The following ANKRD24 variants were observed in gnomAD, a reference collection of about 807,000 sequenced individuals.
The protein encoded by ANKRD24 is ankyrin repeat domain-containing protein 24.
A neutral mutation model predicts 127.8 loss-of-function variants in ANKRD24; 109 were observed. The ratio of observed to expected loss-of-function variants is 0.85; its 90% CI spans 0.73 to 1.00. The LOEUF is 1.00. ANKRD24 is among the 50% of genes least tolerant of loss of function. ANKRD24 has a pLI of 0.00. For synonymous variants in ANKRD24, 743 were observed against 671.1 expected (o/e 1.11, Z -1.66); for missense variants, 1,648 against 1,570.2 (o/e 1.05, Z -0.84).
chr19:4,183,910 AAAATAAATAAAT>A (rs143396713), intron 1 of ANKRD24, among the ~76,000 whole-genome samples: 1 of 151,978 alleles, frequency 6.6e-6, no homozygotes, highest in East Asian at 1.9e-4. Flanking sequence ...CTCCGTCTCA[AAAATAAATAAAT>A]AAATAAATAA....
chr19:4,218,597 G>T (rs1157170049), intron 18 of ANKRD24, among the ~76,000 whole-genome samples: 1 of 151,934 alleles, frequency 6.6e-6, no homozygotes. Flanking sequence ...TCCGCACCTG[G>T]CCTTGAACAG....
At position 4,216,876 on chromosome 19, in the gene ANKRD24, G is replaced by A. The variant is rs763186877; in HGVS notation, c.1716G>A (p.Met572Ile). 6.2e-7 allele frequency: 1 copy of A among 1,611,618 alleles called. No homozygotes were observed. Among genetic ancestry groups the A allele is most frequent in the Non-Finnish European group, 8.5e-7 (1 of 1,178,990 alleles). Residue 572 changes from methionine (M) to isoleucine (I), a missense_variant, in exon 18 of 22, where the codon ATG becomes ATA. Coordinates refer to ENST00000318934, the MANE Select transcript of ANKRD24 (RefSeq NM_001393985.1). The part of the protein sequence containing the change: ...IDEEAAGDET[M>I]EARTMEAEAT... ...AGGAGGCTGCAGGAGATGAAACCAT[G>A]GAAGCCAGGACTATGGAAGCTGAGG...
At chr19:4,204,415 G>A (rs962545628) in intron 7 of ANKRD24, among the ~76,000 whole-genome samples, 1 of 152,226 alleles carries the variant, frequency 6.6e-6, no homozygotes. Flanking sequence ...GTAAATCGTA[G>A]GGAATCCAGG....
intron 7 of ANKRD24, among the ~76,000 whole-genome samples, chr19:4,204,412 G>A (rs1331591693): frequency 2.0e-5 from 3 of 152,082 alleles, no homozygotes; most frequent in Non-Finnish European, 4.4e-5. Context: ...CAGGTAAATC[G>A]TAGGGAATCC....
rs768476828 is a variant in ANKRD24, at chr19:4,212,657, C to A, written c.1156C>A (p.Arg386=). ...ACAAGAGGAGAAGGAGAGCCTGGGA[C>A]GGGAGGTGGAGAGTTTGCAGAGCCG... The part of the protein sequence containing the change: ...ERQEEKESLG[R]EVESLQSRLS... The change falls in exon 15 of 22, where the codon CGG becomes AGG. Residue 386 remains arginine, a synonymous_variant. Coordinates refer to ENST00000318934, the MANE Select transcript of ANKRD24 (RefSeq NM_001393985.1). 6.5e-6 allele frequency: 10 copies of A among 1,547,674 alleles called. No homozygotes were observed. The South Asian group carries it at 1.2e-4, about 18-fold the overall frequency.
intron 19 of ANKRD24, among the ~76,000 whole-genome samples, chr19:4,220,875 T>C (rs1010405417): frequency 7.3e-5 from 11 of 150,516 alleles, no homozygotes; most frequent in Admixed American, 2.0e-4. Context: ...CCATTTTTAA[T>C]CTTCCTGCAA....
chr19:4,224,666 T>C lies in ANKRD24; in HGVS notation c.*161T>C. 2 of 683,852 alleles carry C rather than the reference T, an allele frequency of 2.9e-6. No individual in the cohort carries two copies. 42.4% of individuals were successfully genotyped at this position (683,852 alleles called of 1,614,324 possible). ...CCCTGCCCGACCACCCCCAGCTGGC[T>C]CCATCACCCCACCTGGTCTCTGCAC... On this transcript the variant is annotated 3_prime_UTR_variant, in exon 22 of 22. Coordinates refer to ENST00000318934, the MANE Select transcript of ANKRD24 (RefSeq NM_001393985.1).
intron 2 of ANKRD24, among the ~76,000 whole-genome samples, chr19:4,189,554 A>G (rs1205848243): frequency 1.5e-5 from 2 of 135,238 alleles, no homozygotes; most frequent in African/African-American, 2.6e-5. Flanking sequence ...GCCCGGCCCT[A>G]AGTTTTTTTT....
intron 7 of ANKRD24, among the ~76,000 whole-genome samples, chr19:4,204,096 G>A (rs556085415): frequency 1.8e-3 from 265 of 151,196 alleles, no homozygotes; most frequent in Non-Finnish European, 3.0e-3. Flanking sequence ...CCCGAGTAGC[G>A]GGGACTACAG....
chr19:4,205,629 CTTGAGCCCAGGAGT>C (rs2145315015), intron 7 of ANKRD24, among the ~76,000 whole-genome samples: 1 of 152,270 alleles, frequency 6.6e-6, no homozygotes, highest in Non-Finnish European at 1.5e-5. Flanking sequence ...GGGAGGATTG[CTTGAGCCCAGGAGT>C]TTGAGACCAG....
At chr19:4,197,188 G>C (rs1336386998) in intron 2 of ANKRD24, among the ~76,000 whole-genome samples, 1 of 152,190 alleles carries the variant, frequency 6.6e-6, no homozygotes, top group Admixed American at 6.6e-5. Context: ...CATATAGGTA[G>C]GAAAGGCTGG....
At chr19:4,194,492 G>A (rs1968585493) in intron 2 of ANKRD24, among the ~76,000 whole-genome samples, 1 of 152,074 alleles carries the variant, frequency 6.6e-6, no homozygotes, top group Non-Finnish European at 1.5e-5. Flanking sequence ...GTGTCAGGAA[G>A]GATGATTCTT....
intron 13 of ANKRD24, among the ~76,000 whole-genome samples, chr19:4,210,926 C>T (rs903954135): frequency 3.3e-5 from 5 of 152,000 alleles, no homozygotes; most frequent in Non-Finnish European, 5.9e-5. Flanking sequence ...CTCCGCCTCC[C>T]GGGTTCAAGC....
In ANKRD24 at chr19:4,199,545, G is replaced by A; in HGVS notation, c.37-138G>A. The A allele has an allele frequency of 1.4e-6, 2 of 1,423,722 alleles. No homozygotes were observed. Among genetic ancestry groups the A allele is most frequent in the South Asian group, 3.1e-5 (2 of 64,674 alleles). 88.2% of individuals were successfully genotyped at this position (1,423,722 alleles called of 1,614,324 possible). A position where few individuals can be genotyped will look rare whatever the true frequency, so the allele number is the denominator to read the frequency against. On this transcript the variant is annotated intron_variant, in intron 2 of 21. Coordinates refer to ENST00000318934, the MANE Select transcript of ANKRD24 (RefSeq NM_001393985.1). This position sits in a 1 kb window ranked among gnomAD's most constrained non-coding sequence, Gnocchi z 5.2. ...AACGTTTTGGAAATAGATGCCAGGG[G>A]GCTGCTCAGGGGATGATGCTGGTGG...
Position 4,224,564 on chromosome 19 carries a change from C to T in ANKRD24, c.*59C>T. The T allele has an allele frequency of 6.7e-7, 1 of 1,497,386 alleles. No homozygotes were observed. Among genetic ancestry groups the T allele is most frequent in the Non-Finnish European group, 9.1e-7 (1 of 1,095,814 alleles). 92.8% of individuals were successfully genotyped at this position (1,497,386 alleles called of 1,614,324 possible). A position where few individuals can be genotyped will look rare whatever the true frequency, so the allele number is the denominator to read the frequency against. ...CCCACGCAGGGACCTCACCCCCCTG[C>T]AGGCCCCTTGCAGACCGGCTTCACT... On this transcript the variant is annotated 3_prime_UTR_variant, in exon 22 of 22. Coordinates refer to ENST00000318934, the MANE Select transcript of ANKRD24 (RefSeq NM_001393985.1).
Position 4,198,522 on chromosome 19 carries a change from C to T in ANKRD24, c.37-1161C>T. ...AAGCAGCTGTGTCTGTGCGCAGCCG[C>T]CTCCTTCGCGGTAGGGCCCGGGGAG... is the stretch of plus-strand genomic sequence containing the variant. On this transcript the variant is annotated intron_variant, in intron 2 of 21. Transcript: ENST00000318934. This position sits in a 1 kb window ranked among gnomAD's most constrained non-coding sequence, Gnocchi z 6.1. 1 of 607,504 alleles carries T rather than the reference C, an allele frequency of 1.6e-6. No homozygotes were observed. The highest frequency in any genetic ancestry group is 1.8e-5 in the South Asian group (1 of 57,092). 37.6% of individuals were successfully genotyped at this position (607,504 alleles called of 1,614,324 possible). A position where few individuals can be genotyped will look rare whatever the true frequency, so the allele number is the denominator to read the frequency against.
In ANKRD24 at chr19:4,218,005, C is replaced by T. The variant is rs771153272; in HGVS notation, c.2845C>T (p.Arg949Trp). Residue 949 changes from arginine (R) to tryptophan (W), a missense_variant, in exon 18 of 22, where the codon CGG becomes TGG. Transcript: ENST00000318934. ...EVVATGKEAA[R>W]LRAELERERV... ...GGTGGCCACGGGCAAGGAGGCCGCC[C>T]GGCTGCGCGCGGAGCTGGAGCGGGA... The T allele has an allele frequency of 1.6e-5, 24 of 1,539,612 alleles. No individual in the cohort carries two copies. The South Asian group carries it at 2.0e-4, about 13-fold the overall frequency.
At chr19:4,208,485 G>A (rs914616786) in intron 10 of ANKRD24, among the ~76,000 whole-genome samples, 3 of 152,008 alleles carry the variant, frequency 2.0e-5, no homozygotes, top group South Asian at 2.1e-4. Context: ...GTTTCGCCAC[G>A]TTGGCCAGGC....
In ANKRD24 at chr19:4,208,931, C is replaced by G. The variant is rs1037414469; in HGVS notation, c.870+130C>G. The G allele has an allele frequency of 7.0e-6, 7 of 1,003,090 alleles. No individual in the cohort carries two copies. In the African/African-American group the frequency reaches 1.1e-4, roughly 16 times the overall value. The allele number at this position is 1,003,090 out of a possible 1,614,324, so 62.1% of individuals were successfully genotyped here. A position where few individuals can be genotyped will look rare whatever the true frequency, so the allele number is the denominator to read the frequency against. ...ACCTGTTTGGAAAGAATGCTACCTT[C>G]AGGGTATGCTGCCACCAAGTGGCGG... On this transcript the variant is annotated intron_variant, in intron 11 of 21. Transcript: ENST00000318934.
Sources: gnomAD v4.1 joint callset for allele counts (sites outside exome capture counted in the v4.1 genomes callset) on GRCh38, gnomAD v4.1.1 for gene constraint, Gnocchi (gnomAD v3.1) non-coding constraint, MANE v1.5 for transcripts, NCBI Gene and HGNC (gene_info 2026-07-23, HGNC 2026-07-21) for gene names.